LARGE1: variants seen among roughly 807,000 people sequenced by gnomAD.
LARGE1 encodes the protein xylosyl- and glucuronyltransferase LARGE1.
In LARGE1, 43 loss-of-function variants were observed where a neutral mutation model predicts 87.6. The ratio of observed to expected loss-of-function variants is 0.49; its 90% CI spans 0.38 to 0.63. LARGE1 has a LOEUF of 0.63. LARGE1 is among the 30% of genes least tolerant of loss of function. The pLI is 0.00. For synonymous variants in LARGE1, 434 were observed against 394.6 expected (o/e 1.10, Z -1.18); for missense variants, 802 against 1,000.2 (o/e 0.80, Z 2.67).
Position 33,686,405 on chromosome 22 carries a change from T to C in LARGE1, c.107-35737A>G, listed in dbSNP as rs563885101. 6.6e-5 allele frequency among the ~76,000 whole-genome samples: 10 copies of C among 151,886 alleles called. No homozygotes were observed. The South Asian group carries it at 2.1e-3, about 32-fold the overall frequency. On this transcript the variant is annotated intron_variant, in intron 2 of 14. Transcript: ENST00000397394. Reference sequence around the variant, plus strand: ...AAGATACAAAAAATTAGCCAGGCCGTGGTGGTGCGTGCCTGTAATCCCAGC... The same window carrying C: ...AAGATACAAAAAATTAGCCAGGCCGCGGTGGTGCGTGCCTGTAATCCCAGC...
At chr22:33,113,121 C>T in the LARGE1 span, among the ~76,000 whole-genome samples, 19 of 151,702 alleles carry the variant, frequency 1.3e-4, no homozygotes, top group African/African-American at 4.4e-4. Context: ...AAGACTCAAA[C>T]TATCAATAGA....
At position 33,272,748 on chromosome 22, in the gene LARGE1, A is replaced by C. The variant is rs1196615537; in HGVS notation, c.*1679T>G. On this transcript the variant is annotated 3_prime_UTR_variant, in exon 15 of 15. Transcript: ENST00000397394. The stretch of plus-strand genomic sequence containing the variant: ...GTGATCTCACAAACCGGATTGCTAT[A>C]GGGTCCCACATGACTACCAGGCCCA... 1 of 152,186 alleles carries C rather than the reference A, an allele frequency of 6.6e-6. No individual in the cohort carries two copies. The highest frequency in any genetic ancestry group is 1.9e-4 in the East Asian group (1 of 5,192). The allele number at this position is 152,186 out of a possible 1,614,324, so 9.4% of individuals were successfully genotyped here.
chr22:33,073,855 T>C, the LARGE1 span, among the ~76,000 whole-genome samples: 1 of 152,184 alleles, frequency 6.6e-6, no homozygotes, highest in East Asian at 1.9e-4. Context: ...TGTTTGGGGT[T>C]ATCATCTGTA....
At chr22:33,571,324 A>G (rs530194648) in intron 5 of LARGE1, among the ~76,000 whole-genome samples, 4 of 152,298 alleles carry the variant, frequency 2.6e-5, no homozygotes, top group African/African-American at 7.2e-5. Context: ...GGGAGCATCT[A>G]TGAGGCGGTG....
intron 5 of LARGE1, among the ~76,000 whole-genome samples, chr22:33,603,887 G>C (rs2079175874): frequency 6.6e-6 from 1 of 152,168 alleles, no homozygotes. Flanking sequence ...CCTCCAGCCT[G>C]ACATAACCTT....
the LARGE1 span, among the ~76,000 whole-genome samples, chr22:33,091,920 G>T: frequency 6.6e-6 from 1 of 152,080 alleles, no homozygotes; most frequent in African/African-American, 2.4e-5. Context: ...GTTTGTTTGA[G>T]ATGGAGTCTC....
At chr22:33,631,575 A>G (rs1043138222) in intron 3 of LARGE1, among the ~76,000 whole-genome samples, 1 of 152,140 alleles carries the variant, frequency 6.6e-6, no homozygotes, top group Non-Finnish European at 1.5e-5. Flanking sequence ...GTCCCACTGG[A>G]AGGTCCTCAG....
chr22:33,074,564 A>G, the LARGE1 span, among the ~76,000 whole-genome samples: 1 of 152,194 alleles, frequency 6.6e-6, no homozygotes, highest in African/African-American at 2.4e-5. Flanking sequence ...AGTCCCAGCT[A>G]CTCAGGAGGC....
At chr22:33,389,512 T>G (rs1282421298) in intron 7 of LARGE1, among the ~76,000 whole-genome samples, 1 of 152,174 alleles carries the variant, frequency 6.6e-6, no homozygotes, top group Non-Finnish European at 1.5e-5. Flanking sequence ...CAGACAAGGA[T>G]GTAGAGCAAG....
chr22:33,240,091 TTGTATAAATTTTACATTACCACCAATAA>T (rs1371218345), intron 11 of LARGE1, among the ~76,000 whole-genome samples: 1 of 152,166 alleles, frequency 6.6e-6, no homozygotes, highest in Non-Finnish European at 1.5e-5. Context: ...TTCATAATGG[TTGTATAAATTTTACATTACCACCAATAA>T]TGTATGAGAG....
chr22:33,828,532 A>C (rs2062865489), intron 1 of LARGE1, among the ~76,000 whole-genome samples: 1 of 152,198 alleles, frequency 6.6e-6, no homozygotes, highest in African/African-American at 2.4e-5. Context: ...AGAAAGTGAA[A>C]ACTTTAGCCA....
chr22:33,646,886 C>T (rs1396188646), intron 3 of LARGE1, among the ~76,000 whole-genome samples: 2 of 152,206 alleles, frequency 1.3e-5, no homozygotes, highest in Non-Finnish European at 2.9e-5. Context: ...CTCCACCACG[C>T]CCAGCTATTT....
chr22:33,106,230 G>A, the LARGE1 span, among the ~76,000 whole-genome samples: 2 of 152,190 alleles, frequency 1.3e-5, no homozygotes, highest in East Asian at 3.9e-4. Context: ...TCTGGGAAAT[G>A]GCTGGGGATA....
chr22:33,803,912 C>G (rs1005236175), intron 1 of LARGE1, among the ~76,000 whole-genome samples: 1 of 152,198 alleles, frequency 6.6e-6, no homozygotes, highest in Non-Finnish European at 1.5e-5. Context: ...CCAGTCTTAT[C>G]GGGTCTGAGA....
At chr22:33,629,388 G>A (rs141518129) in intron 3 of LARGE1, among the ~76,000 whole-genome samples, 1 of 152,290 alleles carries the variant, frequency 6.6e-6, no homozygotes, top group East Asian at 1.9e-4. Context: ...CCCATTAAAT[G>A]TAAGCACAAG....
At chr22:33,659,989 A>G (rs1175878063) in intron 2 of LARGE1, among the ~76,000 whole-genome samples, 1 of 151,934 alleles carries the variant, frequency 6.6e-6, no homozygotes, top group Non-Finnish European at 1.5e-5. Flanking sequence ...AAATGCTTGA[A>G]GTGTGTTCTA....
rs1271267054 is a variant in LARGE1 at position 33,512,131 on chromosome 22, TAA to T, written c.787+52715_787+52716del. ...TCTCTCTGACATTCTGGTTGCAGTA[TAA>T]AGAGACACTTGCCTCTTAGGAAGGA... On this transcript the variant is annotated intron_variant, in intron 6 of 14. Coordinates refer to ENST00000397394, the MANE Select transcript of LARGE1 (RefSeq NM_133642.5). Among the ~76,000 whole-genome samples, 4 of 152,348 alleles carry T rather than the reference TAA, an allele frequency of 2.6e-5. No homozygotes were observed. In the East Asian group the frequency reaches 7.7e-4, roughly 29 times the overall value.
chr22:33,438,099 A>T (rs1203990666), intron 6 of LARGE1, among the ~76,000 whole-genome samples: 1 of 152,108 alleles, frequency 6.6e-6, no homozygotes, highest in Non-Finnish European at 1.5e-5. Flanking sequence ...GATACAGGTG[A>T]TCTGTGACAG....
At chr22:33,471,933 C>T (rs968784749) in intron 6 of LARGE1, among the ~76,000 whole-genome samples, 29 of 152,180 alleles carry the variant, frequency 1.9e-4, no homozygotes, top group Non-Finnish European at 3.1e-4. Flanking sequence ...GCCTGTAATC[C>T]TAGCTACTCG....
Sources: allele counts gnomAD v4.1 joint callset (sites outside exome capture counted in the v4.1 genomes callset), GRCh38; gene constraint gnomAD v4.1.1; transcripts MANE v1.5; gene names NCBI Gene and HGNC (gene_info 2026-07-23, HGNC 2026-07-21).